UTP25: variants seen among roughly 807,000 people sequenced by gnomAD.
The protein encoded by UTP25 is UTP25 small subunit processome component, also known as U3 small nucleolar RNA-associated protein 25 homolog.
Under a neutral mutation model 78.9 loss-of-function variants are expected in UTP25, and 50 were observed. That is an observed-to-expected ratio of 0.63 (90% confidence interval 0.50 to 0.80). UTP25 has a LOEUF of 0.80. Among genes scored for constraint, UTP25 ranks in the 30% least tolerant of loss-of-function variants. The pLI is 0.00. For synonymous variants in UTP25, 329 were observed against 336.5 expected (o/e 0.98, Z 0.24); for missense variants, 846 against 911.3 (o/e 0.93, Z 0.92).
chr1:209,842,711 C>CA lies in UTP25; in HGVS notation c.1781+17dup. On this transcript the variant is annotated intron_variant, in intron 10 of 11. Transcript: ENST00000491415. Reference sequence around the variant, plus strand: ...TTGATGCCAGGTAACCCACTCCTCCCAGCAGGCCCCTGGGGACCACATAGA... The same window carrying CA: ...TTGATGCCAGGTAACCCACTCCTCCCAAGCAGGCCCCTGGGGACCACATAGA... 6.3e-7 allele frequency: 1 copy of CA among 1,583,182 alleles called. No individual in the cohort carries two copies. The highest frequency in any genetic ancestry group is 8.6e-7 in the Non-Finnish European group (1 of 1,157,642).
At position 209,851,334 on chromosome 1, in the gene UTP25, C is replaced by G; in HGVS notation, c.2158C>G (p.Leu720Val). The part of the protein sequence containing the change: ...GEEATWTCTV[L>V]YSKYDAQRLA... The stretch of plus-strand genomic sequence containing the variant: ...AGAGGCCACGTGGACCTGCACTGTT[C>G]TCTACTCCAAATATGATGCCCAGAG... The change falls in exon 12 of 12, where the codon CTC becomes GTC. Residue 720 changes from leucine to valine, a missense_variant. Leu to Val is a conservative substitution (Grantham distance 32). Coordinates refer to ENST00000491415, the MANE Select transcript of UTP25 (RefSeq NM_014388.7). 1 of 1,614,204 alleles carries G rather than the reference C, an allele frequency of 6.2e-7. No individual in the cohort carries two copies. The highest frequency in any genetic ancestry group is 8.5e-7 in the Non-Finnish European group (1 of 1,180,028).
chr1:209,830,892 A>C lies in UTP25; in HGVS notation c.237A>C (p.Leu79Phe), dbSNP rs2102567530. The C allele has an allele frequency of 8.7e-6, 14 of 1,614,124 alleles. No homozygotes were observed. The highest frequency in any genetic ancestry group is 4.4e-5 in the South Asian group (4 of 91,070). ...GCTACCACAGACTACTTGCTACATTAAAGAATGTTTCTGAGGAAGAAGAGG... is the reference window on the plus strand; with the variant it reads ...GCTACCACAGACTACTTGCTACATTCAAGAATGTTTCTGAGGAAGAAGAGG... ...VSGYHRLLAT[L>F]KNVSEEEEED... Residue 79 changes from leucine (L) to phenylalanine (F), a missense_variant, in exon 3 of 12, where the codon TTA becomes TTC. By Grantham distance (22) the Leu-to-Phe change is conservative (BLOSUM62 0). Transcript: ENST00000491415.
intron 5 of UTP25, among the ~76,000 whole-genome samples, chr1:209,836,087 T>C (rs2078131513): frequency 6.6e-6 from 1 of 152,150 alleles, no homozygotes; most frequent in African/African-American, 2.4e-5. Flanking sequence ...TAATCTGGTC[T>C]CCATTTCTAT....
At chr1:209,833,158 T>C in intron 3 of UTP25, 27 bp from the exon 4 acceptor site, 1 of 1,591,114 alleles carries the variant, frequency 6.3e-7, no homozygotes, top group African/African-American at 1.4e-5. Context: ...AGTAAATAAT[T>C]TTATAAAATG....
intron 11 of UTP25, among the ~76,000 whole-genome samples, chr1:209,849,556 C>T (rs4329516): frequency 0.045 from 6,846 of 152,096 alleles, 788 homozygotes; most frequent in East Asian, 0.4. Flanking sequence ...GTGTGCTTCA[C>T]GTTTTTACCA....
In UTP25 at chr1:209,828,116, A is replaced by T; in HGVS notation, c.53A>T (p.Lys18Ile). ...SQSQLLNTLT[K>I]KQKKHLRDFG... ...AGCCAGCTACTCAACACCCTAACTA[A>T]AAAGCAGAAGAAACATCTTCGAGAT... Residue 18 changes from lysine (K) to isoleucine (I), a missense_variant, in exon 1 of 12, where the codon AAA (lysine) becomes ATA (isoleucine). By Grantham distance (102) the Lys-to-Ile change is moderately radical. Transcript: ENST00000491415. 6.2e-7 allele frequency: 1 copy of T among 1,614,122 alleles called. No individual in the cohort carries two copies. Among genetic ancestry groups the T allele is most frequent in the South Asian group, 1.1e-5 (1 of 91,090 alleles).
intron 11 of UTP25, among the ~76,000 whole-genome samples, chr1:209,847,380 AT>A (rs1462099269): frequency 6.6e-6 from 1 of 152,150 alleles, no homozygotes; most frequent in Non-Finnish European, 1.5e-5. Context: ...TCTTCTCTCT[AT>A]CCCCACTCAC....
intron 11 of UTP25, among the ~76,000 whole-genome samples, chr1:209,848,504 C>G (rs776579535): frequency 6.6e-6 from 1 of 151,936 alleles, no homozygotes; most frequent in Non-Finnish European, 1.5e-5. Flanking sequence ...TATAATAATA[C>G]GCAAAACATC....
intron 4 of UTP25, among the ~76,000 whole-genome samples, chr1:209,833,803 A>T (rs537939347): frequency 6.6e-6 from 1 of 152,304 alleles, no homozygotes; most frequent in Admixed American, 6.5e-5. Context: ...AAAAAGCCCT[A>T]CCCTGTGTCT....
chr1:209,834,025 A>G (rs2078118024), intron 4 of UTP25, among the ~76,000 whole-genome samples: 2 of 152,138 alleles, frequency 1.3e-5, no homozygotes, highest in Non-Finnish European at 2.9e-5. Flanking sequence ...ACCTTTAATG[A>G]AACAGAAATT....
At chr1:209,830,536 G>A (rs1207137118) in intron 2 of UTP25, among the ~76,000 whole-genome samples, 1 of 149,400 alleles carries the variant, frequency 6.7e-6, no homozygotes, top group African/African-American at 2.5e-5. Flanking sequence ...TTCTTTTGTT[G>A]TTTTGTAATT....
chr1:209,831,611 A>G (rs189420762), intron 3 of UTP25, among the ~76,000 whole-genome samples: 79 of 152,338 alleles, frequency 5.2e-4, no homozygotes, highest in Admixed American at 1.4e-3. Context: ...AGTAAAACGT[A>G]TCCAATTTAA....
Position 209,854,129 on chromosome 1 carries a change from A to T in UTP25, c.*2682A>T, listed in dbSNP as rs1402919338. ...ACGGATGCGTGAGCTGGAATTACAC[A>T]CTACCTTGATGTTAACAAGGCTCAT... On this transcript the variant is annotated 3_prime_UTR_variant, in exon 12 of 12. Transcript: ENST00000491415. 2 of 152,196 alleles carry T rather than the reference A, an allele frequency of 1.3e-5. No individual in the cohort carries two copies. 9.4% of individuals were successfully genotyped at this position (152,196 alleles called of 1,614,324 possible).
At chr1:209,842,904 A>T (rs1241330951) in intron 10 of UTP25, 11 of 575,602 alleles carry the variant, frequency 1.9e-5, no homozygotes, top group Non-Finnish European at 3.4e-5. Context: ...ACTAGTTAGT[A>T]GCAGGGTTAT....
intron 4 of UTP25, 67 bp downstream of exon 4, chr1:209,833,425 C>CAA: frequency 7.6e-7 from 1 of 1,320,304 alleles, no homozygotes; most frequent in Non-Finnish European, 1.0e-6. Context: ...TACTAATACA[C>CAA]ATTGAATCTA....
intron 9 of UTP25, 45 bp downstream of exon 9, chr1:209,842,492 T>G (rs1269330605): frequency 1.2e-6 from 2 of 1,612,952 alleles, no homozygotes; most frequent in African/African-American, 1.3e-5. Flanking sequence ...GAGCACTGTT[T>G]ATTGTTTGGG....
chr1:209,832,694 C>T (rs374027468), intron 3 of UTP25, among the ~76,000 whole-genome samples: 1 of 152,140 alleles, frequency 6.6e-6, no homozygotes, highest in East Asian at 1.9e-4. Context: ...ACCAGCCTGG[C>T]CAACATGGCG....
intron 7 of UTP25, among the ~76,000 whole-genome samples, chr1:209,839,744 T>C (rs938453904): frequency 3.9e-5 from 6 of 152,208 alleles, no homozygotes; most frequent in African/African-American, 1.2e-4. Context: ...TGCCAGGCAC[T>C]GTTAAGAAGC....
At chr1:209,828,917 C>T (rs1447643577) in intron 1 of UTP25, among the ~76,000 whole-genome samples, 1 of 151,788 alleles carries the variant, frequency 6.6e-6, no homozygotes, top group African/African-American at 2.4e-5. Context: ...GGATTACAGG[C>T]GCCCGCCATC....
Sources: gnomAD v4.1 joint callset for allele counts (sites outside exome capture counted in the v4.1 genomes callset) on GRCh38, gnomAD v4.1.1 for gene constraint, MANE v1.5 for transcripts, NCBI Gene and HGNC (gene_info 2026-07-23, HGNC 2026-07-21) for gene names.